The following INTS13 variants were observed in gnomAD, a reference collection of about 807,000 sequenced individuals.
The protein encoded by INTS13 is integrator complex subunit 13, also known as asunder, spermatogenesis regulator homolog (Drosphila).
Under a neutral mutation model 90.2 loss-of-function variants are expected in INTS13, and 35 were observed. That is an observed-to-expected ratio of 0.39 (90% CI 0.30 to 0.51). The LOEUF (loss-of-function observed/expected upper bound fraction) is 0.51, where lower values mean the gene tolerates loss of function less well. Ranked by LOEUF, INTS13 falls within the 20% of genes least tolerant of loss-of-function variation. The pLI, the probability that INTS13 is intolerant of heterozygous loss-of-function variation, is 0.80. For missense variants in INTS13, 601 were observed against 851.2 expected, an observed-to-expected ratio of 0.71 and a Z score of 3.66; for synonymous variants, 309 against 277.1, an observed-to-expected ratio of 1.11 and a Z score of -1.14.
chr12:26,915,491 A>C (rs748880488), intron 11 of INTS13, among the ~76,000 whole-genome samples: 1 of 152,208 alleles, frequency 6.6e-6, no homozygotes, highest in Non-Finnish European at 1.5e-5. Context: ...TATAAATCAC[A>C]CTTAGTTTTT....
chr12:26,914,134 A>G lies in INTS13; in HGVS notation c.1420-6T>C. On this transcript the variant is annotated splice_region_variant and splice_polypyrimidine_tract_variant and intron_variant, in intron 12 of 16. Coordinates refer to ENST00000261191, the MANE Select transcript of INTS13 (RefSeq NM_018164.3). ...ACACTGGCTAATGGAACTACCTGTT[A>G]GATTTTTTTTAAAGAAAAAAGAAAA... 1 of 1,560,258 alleles carries G rather than the reference A, an allele frequency of 6.4e-7. No homozygotes were observed.
intron 5 of INTS13, among the ~76,000 whole-genome samples, chr12:26,926,272 T>C (rs2137523610): frequency 6.6e-6 from 1 of 152,268 alleles, no homozygotes; most frequent in East Asian, 1.9e-4. Flanking sequence ...GCTAAAAATT[T>C]CCCCCAACTT....
upstream of INTS13, chr12:26,937,997 G>GCA (rs149220083): frequency 0.075 from 11,320 of 151,282 alleles, 439 homozygotes; most frequent in Non-Finnish European, 0.087. Flanking sequence ...GCGTGCGCGT[G>GCA]CACACACACA....
intron 15 of INTS13, among the ~76,000 whole-genome samples, chr12:26,909,344 A>G (rs1951706659): frequency 6.6e-6 from 1 of 152,190 alleles, no homozygotes; most frequent in African/African-American, 2.4e-5. Flanking sequence ...CTGGGCAACA[A>G]GAGTGGACTC....
At chr12:26,913,927 T>G (rs777011299) in intron 13 of INTS13, 47 bp downstream of exon 13, 2 of 1,514,028 alleles carry the variant, frequency 1.3e-6, no homozygotes, top group African/African-American at 2.8e-5. Flanking sequence ...AAACAATATG[T>G]ATCAAGTAAA....
At chr12:26,927,108 C>T (rs1937918206) in intron 5 of INTS13, among the ~76,000 whole-genome samples, 1 of 152,250 alleles carries the variant, frequency 6.6e-6, no homozygotes, top group African/African-American at 2.4e-5. Flanking sequence ...ACCTCACCCA[C>T]TTCATGTGTC....
intron 8 of INTS13, 58 bp from the exon 9 acceptor site, chr12:26,917,791 G>T: frequency 9.2e-5 from 74 of 806,184 alleles, no homozygotes; most frequent in Non-Finnish European, 1.4e-4. Context: ...ACATCACACT[G>T]TATCCCATAA....
At chr12:26,934,233 G>T (rs1938344181) in intron 3 of INTS13, among the ~76,000 whole-genome samples, 1 of 152,142 alleles carries the variant, frequency 6.6e-6, no homozygotes, top group Non-Finnish European at 1.5e-5. Flanking sequence ...ATGGCGCAAT[G>T]CACCCCAGTC....
intron 10 of INTS13, among the ~76,000 whole-genome samples, chr12:26,916,697 C>A (rs1951945349): frequency 6.6e-6 from 1 of 152,100 alleles, no homozygotes; most frequent in Non-Finnish European, 1.5e-5. Context: ...AATGACATAA[C>A]CTTATGATAA....
At chr12:26,910,804 A>C (rs1951748665) in intron 15 of INTS13, among the ~76,000 whole-genome samples, 1 of 152,190 alleles carries the variant, frequency 6.6e-6, no homozygotes, top group Admixed American at 6.5e-5. Context: ...CAACAATATT[A>C]AATAACACTG....
At chr12:26,930,479 G>A (rs927847838) in intron 3 of INTS13, among the ~76,000 whole-genome samples, 10 of 152,222 alleles carry the variant, frequency 6.6e-5, no homozygotes, top group African/African-American at 2.4e-4. Context: ...GGGAAAAGGT[G>A]TGACATGGAT....
At chr12:26,915,914 A>C in intron 11 of INTS13, 88 bp downstream of exon 11, 2 of 937,302 alleles carry the variant, frequency 2.1e-6, no homozygotes, top group South Asian at 4.8e-5. Context: ...TTTTTTCCAC[A>C]GACCTTAGCA....
chr12:26,925,891 A>G (rs752142885), intron 5 of INTS13, 40 bp from the exon 6 acceptor site: 7 of 1,405,632 alleles, frequency 5.0e-6, no homozygotes, highest in South Asian at 1.2e-5. Flanking sequence ...AAGAATACAT[A>G]GTATGTAAAG....
In INTS13 at chr12:26,924,349, G is replaced by C. The variant is rs1323270832; in HGVS notation, c.804+6C>G. The C allele has an allele frequency of 6.2e-7, 1 of 1,609,522 alleles. No homozygotes were observed. The highest frequency in any genetic ancestry group is 8.5e-7 in the Non-Finnish European group (1 of 1,178,140). On this transcript the variant is annotated splice_donor_region_variant and intron_variant, in intron 7 of 16. Transcript: ENST00000261191. ...TTTCAAAATAGCAGGAAAAAGAACT[G>C]CCTACCTTCATTGGAATATTTGTAA...
At chr12:26,918,014 C>T (rs968673319) in intron 8 of INTS13, among the ~76,000 whole-genome samples, 4 of 151,782 alleles carry the variant, frequency 2.6e-5, no homozygotes, top group Admixed American at 1.3e-4. Flanking sequence ...CCCAGCTATT[C>T]GGGAGGCTGA....
chr12:26,907,616 G>A (rs903404496), intron 15 of INTS13, among the ~76,000 whole-genome samples: 13 of 152,168 alleles, frequency 8.5e-5, no homozygotes, highest in Non-Finnish European at 1.8e-4. Context: ...AAAAGCTTCT[G>A]TTGTGCAAAA....
chr12:26,926,422 T>C (rs1253166510), intron 5 of INTS13, among the ~76,000 whole-genome samples: 1 of 152,252 alleles, frequency 6.6e-6, no homozygotes, highest in Non-Finnish European at 1.5e-5. Context: ...GTACACTTTT[T>C]AATTAAACCA....
At position 26,905,401 on chromosome 12, in the gene INTS13, C is replaced by A; in HGVS notation, c.*96G>T. ...TTAAAAATGTAAAAACCAGTCCAGG[C>A]AACATAACTATACCATCTTGCTGTA... On this transcript the variant is annotated 3_prime_UTR_variant, in exon 17 of 17. Transcript: ENST00000261191. The A allele has an allele frequency of 8.8e-7, 1 of 1,136,076 alleles. No homozygotes were observed. Among genetic ancestry groups the A allele is most frequent in the Non-Finnish European group, 1.3e-6 (1 of 775,592 alleles). The allele number at this position is 1,136,076 out of a possible 1,614,324, so 70.4% of individuals were successfully genotyped here. A position where few individuals can be genotyped will look rare whatever the true frequency, so the allele number is the denominator to read the frequency against.
At chr12:26,926,431 C>T (rs1038821854) in intron 5 of INTS13, among the ~76,000 whole-genome samples, 39 of 152,122 alleles carry the variant, frequency 2.6e-4, no homozygotes, top group African/African-American at 1.4e-4. Flanking sequence ...TTAATTAAAC[C>T]ATTTGAGAGT....
Sources: allele counts gnomAD v4.1 joint callset (sites outside exome capture counted in the v4.1 genomes callset), GRCh38; gene constraint gnomAD v4.1.1; transcripts MANE v1.5; gene names NCBI Gene and HGNC (gene_info 2026-07-23, HGNC 2026-07-21).